Variants in PTPN12 observed in about 807,000 individuals in gnomAD.
PTPN12 encodes protein tyrosine phosphatase non-receptor type 12.
In PTPN12, 29 loss-of-function variants were observed where a neutral mutation model predicts 97.6. The ratio of observed to expected loss-of-function variants is 0.30; its 90% CI spans 0.22 to 0.41. The LOEUF (loss-of-function observed/expected upper bound fraction) is 0.41. Among genes scored for constraint, PTPN12 ranks in the 10% least tolerant of loss-of-function variants. The pLI is 1.00. For synonymous variants in PTPN12, 327 were observed against 300.4 expected, an observed-to-expected ratio of 1.09 and a Z score of -0.91; for missense variants, 819 against 926.0, an observed-to-expected ratio of 0.88 and a Z score of 1.50.
chr7:77,625,472 GCTCTCT>G (rs775712037), intron 12 of PTPN12, among the ~76,000 whole-genome samples: 1,129 of 33,464 alleles, frequency 0.034, 32 homozygotes, highest in Non-Finnish European at 0.045. Flanking sequence ...CAGGCTGCTC[GCTCTCT>G]CTCTCTCTCT....
chr7:77,555,087 A>G (rs1028237506), intron 1 of PTPN12, among the ~76,000 whole-genome samples: 11 of 152,238 alleles, frequency 7.2e-5, no homozygotes, highest in Middle Eastern at 6.8e-3. Flanking sequence ...TTTCTTCTCA[A>G]TATGATATTT....
At chr7:77,555,101 C>T (rs1807646098) in intron 1 of PTPN12, among the ~76,000 whole-genome samples, 1 of 152,084 alleles carries the variant, frequency 6.6e-6, no homozygotes, top group Admixed American at 6.6e-5. Context: ...GATATTTTGT[C>T]ACTCTCTTCT....
intron 2 of PTPN12, among the ~76,000 whole-genome samples, chr7:77,579,851 A>G (rs1334283189): frequency 1.3e-5 from 2 of 152,194 alleles, no homozygotes; most frequent in African/African-American, 4.8e-5. Context: ...TAAAACATAC[A>G]ATCCTTTGCA....
At chr7:77,549,069 T>C (rs1238811338) in intron 1 of PTPN12, among the ~76,000 whole-genome samples, 1 of 152,220 alleles carries the variant, frequency 6.6e-6, no homozygotes, top group African/African-American at 2.4e-5. Context: ...TCAGAATGAC[T>C]AGAATTGCTA....
chr7:77,575,386 T>C (rs1465985789), intron 2 of PTPN12, among the ~76,000 whole-genome samples: 4 of 152,062 alleles, frequency 2.6e-5, no homozygotes, highest in Non-Finnish European at 4.4e-5. Flanking sequence ...TGTACACTTG[T>C]GGTCCCAGCT....
intron 11 of PTPN12, among the ~76,000 whole-genome samples, chr7:77,613,918 G>T (rs1490852464): frequency 6.6e-6 from 1 of 151,944 alleles, no homozygotes; most frequent in South Asian, 2.1e-4. Flanking sequence ...TTGAGACGAG[G>T]TCTTGCTATT....
chr7:77,607,013 G>A, intron 8 of PTPN12: 2 of 340,194 alleles, frequency 5.9e-6, no homozygotes, highest in Non-Finnish European at 1.1e-5. Flanking sequence ...TTTATCATAG[G>A]TATGTACATA....
intron 8 of PTPN12, chr7:77,604,833 G>A: frequency 2.4e-6 from 1 of 409,282 alleles, no homozygotes; most frequent in Non-Finnish European, 5.0e-6. Context: ...ATTTTTTATG[G>A]TTAAGGTATG....
intron 1 of PTPN12, among the ~76,000 whole-genome samples, chr7:77,570,412 A>G (rs779639885): frequency 7.9e-5 from 12 of 152,262 alleles, no homozygotes; most frequent in Non-Finnish European, 1.3e-4. Flanking sequence ...GTAGTTGTGT[A>G]GAATTTGAAC....
At chr7:77,573,995 A>T (rs1442646610) in intron 2 of PTPN12, among the ~76,000 whole-genome samples, 1 of 152,184 alleles carries the variant, frequency 6.6e-6, no homozygotes, top group Non-Finnish European at 1.5e-5. Flanking sequence ...TCCTAACGTC[A>T]GGTCATCCGC....
chr7:77,614,068 A>AT (rs1162286751), intron 11 of PTPN12, among the ~76,000 whole-genome samples: 2 of 104,062 alleles, frequency 1.9e-5, no homozygotes, highest in Middle Eastern at 4.9e-3. Context: ...TTAAAAAAAA[A>AT]TTTTTTTTTG....
Position 77,592,275 on chromosome 7 carries a change from A to G in PTPN12, c.492+19A>G. The stretch of plus-strand genomic sequence containing the variant: ...TTCTTGTGTAAGTATCCATTTTTGT[A>G]AACACTTTTTTCAGAAAATTGGCAT... On this transcript the variant is annotated intron_variant, in intron 6 of 17. Coordinates refer to ENST00000248594, the MANE Select transcript of PTPN12 (RefSeq NM_002835.4). 4.4e-6 allele frequency: 7 copies of G among 1,592,440 alleles called. No homozygotes were observed. The highest frequency in any genetic ancestry group is 5.1e-6 in the Non-Finnish European group (6 of 1,167,170).
intron 11 of PTPN12, among the ~76,000 whole-genome samples, chr7:77,613,311 A>G (rs1405770310): frequency 6.7e-6 from 1 of 150,310 alleles, no homozygotes; most frequent in African/African-American, 2.5e-5. Flanking sequence ...AGTAGCTGAG[A>G]TTACAGGCGC....
At chr7:77,572,122 T>G (rs1035965577) in intron 2 of PTPN12, among the ~76,000 whole-genome samples, 2 of 151,464 alleles carry the variant, frequency 1.3e-5, no homozygotes, top group African/African-American at 4.9e-5. Flanking sequence ...TTTGTGACAG[T>G]CTTGCTCTGT....
chr7:77,556,371 C>G (rs1220308929), intron 1 of PTPN12, among the ~76,000 whole-genome samples: 1 of 152,002 alleles, frequency 6.6e-6, no homozygotes, highest in Non-Finnish European at 1.5e-5. Context: ...AGGTCTCAGT[C>G]TTTTAGTGAG....
At chr7:77,615,363 T>C (rs1788712816) in intron 11 of PTPN12, among the ~76,000 whole-genome samples, 1 of 152,228 alleles carries the variant, frequency 6.6e-6, no homozygotes, top group African/African-American at 2.4e-5. Flanking sequence ...GATAATTTGT[T>C]TCTTAATGTT....
Position 77,625,472 on chromosome 7 carries a change from G to GCTCGCGCGCTCTCTCTCTCTCT in PTPN12, c.1026-1230_1026-1229insGCGCGCTCTCTCTCTCTCTCTC. Among the ~76,000 whole-genome samples the GCTCGCGCGCTCTCTCTCTCTCT allele has an allele frequency of 2.9e-3, 98 of 33,520 alleles. 8 individuals carry two copies. The highest frequency in any genetic ancestry group is 6.0e-3 in the African/African-American group (45 of 7,528). The allele number at this position is 33,520 out of a possible 152,430, so 22.0% of individuals were successfully genotyped here. A position where few individuals can be genotyped will look rare whatever the true frequency, so the allele number is the denominator to read the frequency against. ...TTTTGCCATATTGCCCAGGCTGCTC[G>GCTCGCGCGCTCTCTCTCTCTCT]CTCTCTCTCTCTCTCTCTCTCTCTC... On this transcript the variant is annotated intron_variant, in intron 12 of 17. Coordinates refer to ENST00000248594, the MANE Select transcript of PTPN12 (RefSeq NM_002835.4).
At chr7:77,539,848 T>C (rs1806868051) in intron 1 of PTPN12, among the ~76,000 whole-genome samples, 1 of 152,082 alleles carries the variant, frequency 6.6e-6, no homozygotes, top group South Asian at 2.1e-4. Flanking sequence ...GCCCTGCTAA[T>C]TTTGTATTTT....
chr7:77,574,538 G>GA (rs1162304814), intron 2 of PTPN12, among the ~76,000 whole-genome samples: 4 of 152,148 alleles, frequency 2.6e-5, no homozygotes, highest in African/African-American at 9.7e-5. Flanking sequence ...GCAATGTCTG[G>GA]AGAGATTTGG....
Sources: allele counts gnomAD v4.1 joint callset (sites outside exome capture counted in the v4.1 genomes callset), GRCh38; gene constraint gnomAD v4.1.1; transcripts MANE v1.5; gene names NCBI Gene and HGNC (gene_info 2026-07-23, HGNC 2026-07-21).